The following ADGRL3 variants were observed in gnomAD, a reference collection of about 807,000 sequenced individuals.
The protein encoded by ADGRL3 is calcium-independent alpha-latrotoxin receptor 3.
Under a neutral mutation model 153.5 loss-of-function variants are expected in ADGRL3, and 62 were observed. The observed-to-expected ratio is 0.40, with a 90% confidence interval of 0.33 to 0.50. ADGRL3 has a LOEUF of 0.50. ADGRL3 is among the 20% of genes least tolerant of loss of function. ADGRL3 has a pLI of 0.47. For missense variants in ADGRL3, 1,641 were observed against 1,859.4 expected (o/e 0.88, Z 2.16); for synonymous variants, 710 against 672.5 (o/e 1.06, Z -0.86).
intron 9 of ADGRL3, among the ~76,000 whole-genome samples, chr4:61,823,308 G>T (rs1441094045): frequency 6.6e-6 from 1 of 152,170 alleles, no homozygotes; most frequent in Non-Finnish European, 1.5e-5. Flanking sequence ...TTTGACAGAG[G>T]TATTGCTAGT....
chr4:61,758,697 T>C (rs1416901445), intron 8 of ADGRL3, among the ~76,000 whole-genome samples: 2 of 152,210 alleles, frequency 1.3e-5, no homozygotes, highest in African/African-American at 4.8e-5. Context: ...TTAATATTGT[T>C]ATGTGTGAAT....
Position 61,219,111 on chromosome 4 carries a change from G to T in ADGRL3, c.-240+17346G>T, listed in dbSNP as rs554361562. ...TAGATCCTGCTTCTTTCTGGCCTCA[G>T]CTGATTCATGTGTAAAGAAGTGGTC... On this transcript the variant is annotated intron_variant, in intron 1 of 26. Coordinates refer to ENST00000683033, the MANE Select transcript of ADGRL3 (RefSeq NM_001387552.1). Among the ~76,000 whole-genome samples, 6 of 152,282 alleles carry T rather than the reference G, an allele frequency of 3.9e-5. No individual in the cohort carries two copies. The South Asian group carries it at 1.2e-3, about 32-fold the overall frequency.
At chr4:61,451,142 A>G (rs948507139) in intron 2 of ADGRL3, among the ~76,000 whole-genome samples, 1 of 152,140 alleles carries the variant, frequency 6.6e-6, no homozygotes, top group African/African-American at 2.4e-5. Context: ...TAACAAAGAA[A>G]TTGACCCTAT....
chr4:61,661,110 G>T (rs1416987755), intron 5 of ADGRL3, among the ~76,000 whole-genome samples: 1 of 151,750 alleles, frequency 6.6e-6, no homozygotes, highest in African/African-American at 2.4e-5. Context: ...GCCTTGAGAG[G>T]TTACATAACT....
chr4:61,584,569 A>G (rs77851103), intron 4 of ADGRL3, among the ~76,000 whole-genome samples: 8,154 of 152,048 alleles, frequency 0.054, 673 homozygotes, highest in African/African-American at 0.18. Flanking sequence ...TTTTTTTGTT[A>G]CATTAACCTT....
At chr4:61,694,179 ATTTTTTTTTTTTTTTT>A (rs554084495) in intron 6 of ADGRL3, among the ~76,000 whole-genome samples, 78 of 26,692 alleles carry the variant, frequency 2.9e-3, no homozygotes, top group African/African-American at 0.011. Context: ...TTTTGTCATT[ATTTTTTTTTTTTTTTT>A]TTTTTTTTTT....
intron 10 of ADGRL3, among the ~76,000 whole-genome samples, chr4:61,895,372 A>G (rs908433998): frequency 4.6e-5 from 7 of 152,200 alleles, no homozygotes; most frequent in Admixed American, 4.6e-4. Flanking sequence ...AGGCTGAGGC[A>G]GGAGAATCAC....
chr4:61,590,965 G>A (rs2098966646), intron 5 of ADGRL3, among the ~76,000 whole-genome samples: 1 of 152,102 alleles, frequency 6.6e-6, no homozygotes, highest in Admixed American at 6.6e-5. Context: ...TATGCCTACA[G>A]AAAATTCCGT....
chr4:61,383,462 A>G (rs62314377), intron 2 of ADGRL3, among the ~76,000 whole-genome samples: 27,971 of 151,658 alleles, frequency 0.18, 2,918 homozygotes, highest in Middle Eastern at 0.36. Flanking sequence ...GTTATATGAA[A>G]AATAAATGAG....
intron 9 of ADGRL3, among the ~76,000 whole-genome samples, chr4:61,846,884 G>A (rs907178417): frequency 4.0e-5 from 6 of 151,570 alleles, no homozygotes; most frequent in Admixed American, 2.6e-4. Flanking sequence ...TTCAAATGAC[G>A]AGATCTCATA....
chr4:61,347,388 A>G (rs929270063), intron 1 of ADGRL3, among the ~76,000 whole-genome samples: 1 of 152,018 alleles, frequency 6.6e-6, no homozygotes, highest in South Asian at 2.1e-4. Flanking sequence ...CATTCGATGC[A>G]TTATGGATAT....
At chr4:61,569,352 C>A (rs1341658392) in intron 4 of ADGRL3, among the ~76,000 whole-genome samples, 1 of 152,070 alleles carries the variant, frequency 6.6e-6, no homozygotes, top group East Asian at 1.9e-4. Context: ...AGTTGTATGA[C>A]CATCTTCACA....
At chr4:61,290,697 G>GGAAGGAGGGAAGGAA (rs1560432720) in intron 1 of ADGRL3, among the ~76,000 whole-genome samples, 12 of 149,916 alleles carry the variant, frequency 8.0e-5, no homozygotes, top group Admixed American at 2.7e-4. Flanking sequence ...GAGGGAAGGA[G>GGAAGGAGGGAAGGAA]GGAAGGAGGG....
intron 13 of ADGRL3, among the ~76,000 whole-genome samples, chr4:61,928,390 G>A (rs984952609): frequency 6.6e-6 from 1 of 151,998 alleles, no homozygotes; most frequent in African/African-American, 2.4e-5. Flanking sequence ...ACATTTTCTG[G>A]GATGTTTTTA....
intron 5 of ADGRL3, among the ~76,000 whole-genome samples, chr4:61,651,673 T>A (rs964315569): frequency 2.0e-5 from 3 of 152,004 alleles, no homozygotes; most frequent in Admixed American, 6.6e-5. Context: ...AGTGGCGTGA[T>A]CTCGGCTCAC....
In ADGRL3 at chr4:61,325,347, G is replaced by A. The variant is rs77701189; in HGVS notation, c.-239-57777G>A. ...AACAAAAACAAATGAACAAAAAATA[G>A]CATGTAGACAATTTATAACATACAT... On this transcript the variant is annotated intron_variant, in intron 1 of 26. Transcript: ENST00000683033. Among the ~76,000 whole-genome samples, 703 of 152,046 alleles carry A rather than the reference G, an allele frequency of 4.6e-3. 4 individuals are homozygous for A. The highest frequency in any genetic ancestry group is 0.016 in the African/African-American group (681 of 41,466).
Position 61,732,877 on chromosome 4 carries a change from C to T in ADGRL3, c.722C>T (p.Pro241Leu). The T allele has an allele frequency of 1.2e-6, 2 of 1,613,518 alleles. No individual in the cohort carries two copies. Among genetic ancestry groups the T allele is most frequent in the Non-Finnish European group, 1.7e-6 (2 of 1,179,794 alleles). ...LQASDKIYYM[P>L]WTPYRTDTLT... ...GCATCTGACAAGATTTATTATATGCCCTGGACTCCCTACAGAACTGATACC... is the reference window on the plus strand; with the variant it reads ...GCATCTGACAAGATTTATTATATGCTCTGGACTCCCTACAGAACTGATACC... Residue 241 changes from proline (P) to leucine (L), a missense_variant, in exon 8 of 27, where the codon CCC becomes CTC. By Grantham distance (98) the Pro-to-Leu change is moderately conservative (BLOSUM62 -3). Coordinates refer to ENST00000683033, the MANE Select transcript of ADGRL3 (RefSeq NM_001387552.1).
intron 5 of ADGRL3, among the ~76,000 whole-genome samples, chr4:61,664,585 A>G (rs1484116576): frequency 2.0e-5 from 3 of 152,116 alleles, no homozygotes; most frequent in Non-Finnish European, 4.4e-5. Context: ...ATAAAGGAAG[A>G]GTTGCCTCAT....
chr4:61,757,980 G>C (rs1264717597), intron 8 of ADGRL3, among the ~76,000 whole-genome samples: 4 of 151,460 alleles, frequency 2.6e-5, no homozygotes, highest in Admixed American at 6.5e-5. Flanking sequence ...ACTGTGGTCT[G>C]AGAGACAGTT....
Sources: gnomAD v4.1 joint callset for allele counts (sites outside exome capture counted in the v4.1 genomes callset) on GRCh38, gnomAD v4.1.1 for gene constraint, MANE v1.5 for transcripts, NCBI Gene and HGNC (gene_info 2026-07-23, HGNC 2026-07-21) for gene names.